Variants in NETO1 observed in about 807,000 individuals in gnomAD.
NETO1 encodes neuropilin and tolloid-like protein 1.
NETO1 carries 26 observed loss-of-function variants against 61.3 expected under a neutral mutation model. That is an observed-to-expected ratio of 0.42 (90% CI 0.31 to 0.59). The LOEUF (loss-of-function observed/expected upper bound fraction) is 0.59. Ranked by LOEUF, NETO1 falls within the 20% of genes least tolerant of loss-of-function variation. The pLI is 0.12. For missense variants in NETO1, 531 were observed against 662.8 expected (o/e 0.80, Z 2.18); for synonymous variants, 225 against 225.8 (o/e 1.00, Z 0.03).
rs62103397 is a variant in NETO1, at chr18:72,862,192, A to G, written c.220+2616T>C. On this transcript the variant is annotated intron_variant, in intron 3 of 10. Transcript: ENST00000327305. Reference sequence around the variant, plus strand: ...ACGGGCATTCCAATGGAAGGTTACTACAATATAATGGTGGCTGGGGCTCTA... The same window carrying G: ...ACGGGCATTCCAATGGAAGGTTACTGCAATATAATGGTGGCTGGGGCTCTA... 4.4e-3 allele frequency among the ~76,000 whole-genome samples: 669 copies of G among 152,304 alleles called. 4 individuals are homozygous for G. Among genetic ancestry groups the G allele is most frequent in the Non-Finnish European group, 6.8e-3 (461 of 68,024 alleles).
intron 7 of NETO1, among the ~76,000 whole-genome samples, chr18:72,774,938 T>C (rs1449975237): frequency 2.0e-5 from 3 of 152,220 alleles, no homozygotes. Context: ...CTTTAGGTGA[T>C]AATATTGATT....
At chr18:72,827,017 A>G (rs576727074) in intron 4 of NETO1, among the ~76,000 whole-genome samples, 1 of 151,712 alleles carries the variant, frequency 6.6e-6, no homozygotes, top group East Asian at 1.9e-4. Context: ...CTTGAAAACT[A>G]CAGTGAGAAA....
At chr18:72,849,173 C>T (rs1175576707) in intron 4 of NETO1, among the ~76,000 whole-genome samples, 1 of 152,184 alleles carries the variant, frequency 6.6e-6, no homozygotes, top group Non-Finnish European at 1.5e-5. Flanking sequence ...AAGGGGCTTA[C>T]ATTTTAATTG....
chr18:72,794,686 T>C (rs906765631), intron 4 of NETO1, among the ~76,000 whole-genome samples: 1 of 152,168 alleles, frequency 6.6e-6, no homozygotes, highest in African/African-American at 2.4e-5. Flanking sequence ...CAAATAAAAA[T>C]CTTACTCATT....
At chr18:72,829,478 T>C (rs1489782047) in intron 4 of NETO1, among the ~76,000 whole-genome samples, 2 of 152,222 alleles carry the variant, frequency 1.3e-5, no homozygotes, top group Non-Finnish European at 2.9e-5. Context: ...ACTGCTATGA[T>C]AGCAGTTTTA....
At chr18:72,848,758 C>T (rs541893905) in intron 4 of NETO1, among the ~76,000 whole-genome samples, 15 of 152,286 alleles carry the variant, frequency 9.8e-5, no homozygotes, top group South Asian at 2.1e-4. Flanking sequence ...CAGTAGCACA[C>T]CTGCAGCTGA....
chr18:72,827,975 T>C (rs760821790), intron 4 of NETO1, among the ~76,000 whole-genome samples: 12 of 152,192 alleles, frequency 7.9e-5, no homozygotes, highest in Non-Finnish European at 1.8e-4. Flanking sequence ...GAACAAGCCA[T>C]ATTTGGAGGA....
Position 72,816,958 on chromosome 18 carries a change from G to A in NETO1, c.470-22554C>T, listed in dbSNP as rs76104675. 6.4e-3 allele frequency among the ~76,000 whole-genome samples: 982 copies of A among 152,276 alleles called. 11 individuals are homozygous for A. Among genetic ancestry groups the A allele is most frequent in the African/African-American group, 0.022 (918 of 41,558 alleles). On this transcript the variant is annotated intron_variant, in intron 4 of 10. Coordinates refer to ENST00000327305, the MANE Select transcript of NETO1 (RefSeq NM_138966.5). ...ACACTTGTGAGAGTCTTCGAAGGGG[G>A]TGAGTGCATGCAGCCTGTGGGAGGC...
chr18:72,857,078 G>A (rs987640998), intron 4 of NETO1, among the ~76,000 whole-genome samples: 5 of 152,206 alleles, frequency 3.3e-5, no homozygotes, highest in African/African-American at 1.2e-4. Context: ...GTCAACTTTT[G>A]CTGTCATGTA....
At chr18:72,755,668 C>T (rs1393617909) in intron 8 of NETO1, among the ~76,000 whole-genome samples, 2 of 151,948 alleles carry the variant, frequency 1.3e-5, no homozygotes, top group African/African-American at 4.8e-5. Flanking sequence ...TACACAAAGT[C>T]CAATCAAGAC....
At chr18:72,855,648 G>T (rs550694841) in intron 4 of NETO1, among the ~76,000 whole-genome samples, 2 of 152,116 alleles carry the variant, frequency 1.3e-5, no homozygotes, top group South Asian at 4.1e-4. Context: ...GGACTGAAAG[G>T]CTATTATTTT....
chr18:72,777,174 C>T (rs11151795), intron 7 of NETO1, among the ~76,000 whole-genome samples: 93,648 of 151,556 alleles, frequency 0.62, 29,666 homozygotes, highest in Admixed American at 0.73. Context: ...TCCCAGCACA[C>T]TGGGAGGCCG....
intron 3 of NETO1, among the ~76,000 whole-genome samples, chr18:72,863,666 A>T (rs935184730): frequency 4.6e-5 from 7 of 152,186 alleles, no homozygotes; most frequent in Non-Finnish European, 8.8e-5. Flanking sequence ...CCAAAAAAAA[A>T]ATCATTTCTA....
chr18:72,766,059 T>C, intron 7 of NETO1, among the ~76,000 whole-genome samples: 1 of 151,906 alleles, frequency 6.6e-6, no homozygotes, highest in East Asian at 2.0e-4. Context: ...ATACAAAAAG[T>C]AGACTGGTGT....
Position 72,747,124 on chromosome 18 carries a change from C to CTG in NETO1, c.*1053_*1054dup, listed in dbSNP as rs954058967. On this transcript the variant is annotated 3_prime_UTR_variant, in exon 11 of 11. Transcript: ENST00000327305. ...GTAAACCTCAATACTGAAGGACATC[C>CTG]TGTACCCTAAAAGGTGGAAAGAGTT... The CTG allele has an allele frequency of 1.1e-4, 16 of 152,066 alleles. No homozygotes were observed. The highest frequency in any genetic ancestry group is 3.9e-4 in the African/African-American group (16 of 41,544). 9.4% of individuals were successfully genotyped at this position (152,066 alleles called of 1,614,324 possible).
At chr18:72,835,046 G>A in intron 4 of NETO1, 1 of 1,036,768 alleles carries the variant, frequency 9.6e-7, no homozygotes, top group Non-Finnish European at 1.2e-6. Flanking sequence ...GAATGGTGAG[G>A]AAAGGAATCC....
At chr18:72,835,739 T>C (rs1413262055) in intron 4 of NETO1, among the ~76,000 whole-genome samples, 1 of 152,160 alleles carries the variant, frequency 6.6e-6, no homozygotes, top group Non-Finnish European at 1.5e-5. Flanking sequence ...GACATTCAAG[T>C]AAAAACTGCA....
In NETO1 at chr18:72,750,341, C is replaced by T. The variant is rs374531362; in HGVS notation, c.1262G>A (p.Arg421Gln). 26 of 1,613,862 alleles carry T rather than the reference C, an allele frequency of 1.6e-5. No homozygotes were observed. The African/African-American group carries it at 2.1e-4, about 13-fold the overall frequency. Residue 421 changes from arginine to glutamine, a missense_variant, in exon 9 of 11, where the codon CGG becomes CAG. Coordinates refer to ENST00000327305, the MANE Select transcript of NETO1 (RefSeq NM_138966.5). Reference sequence around the variant, plus strand: ...ATGAATGCATTTGGAAGATGACCTCCGCAGTTTATGGTAATTTTCAAAGTC... The same window carrying T: ...ATGAATGCATTTGGAAGATGACCTCTGCAGTTTATGGTAATTTTCAAAGTC... ...ADDFENYHKLRRSSSKCIHDH... is the reference protein window; with the variant it reads ...ADDFENYHKLQRSSSKCIHDH...
intron 4 of NETO1, among the ~76,000 whole-genome samples, chr18:72,838,139 C>A (rs1158786458): frequency 6.6e-6 from 1 of 152,230 alleles, no homozygotes; most frequent in Non-Finnish European, 1.5e-5. Flanking sequence ...TGTCCTCCTT[C>A]TTCCTGGTTC....
Sources: gnomAD v4.1 joint callset for allele counts (sites outside exome capture counted in the v4.1 genomes callset) on GRCh38, gnomAD v4.1.1 for gene constraint, MANE v1.5 for transcripts, NCBI Gene and HGNC (gene_info 2026-07-23, HGNC 2026-07-21) for gene names.